The following ZNF385D variants were observed in gnomAD, a reference collection of about 807,000 sequenced individuals.
ZNF385D encodes zinc finger protein 659.
ZNF385D carries 15 observed loss-of-function variants against 35.8 expected under a neutral mutation model. That is an observed-to-expected ratio of 0.42 (90% CI 0.28 to 0.64). ZNF385D has a LOEUF of 0.64. Ranked by LOEUF, ZNF385D falls within the 30% of genes least tolerant of loss-of-function variation. ZNF385D has a pLI of 0.23. For missense variants in ZNF385D, 474 were observed against 494.6 expected, an observed-to-expected ratio of 0.96 and a Z score of 0.39; for synonymous variants, 212 against 186.8, an observed-to-expected ratio of 1.13 and a Z score of -1.10.
intron 3 of ZNF385D, among the ~76,000 whole-genome samples, chr3:21,760,858 ATGTG>A (rs1275634484): frequency 3.3e-5 from 5 of 152,178 alleles, no homozygotes; most frequent in African/African-American, 7.2e-5. Context: ...GATTGGTTTA[ATGTG>A]TGTGTATTTT....
intron 1 of ZNF385D, among the ~76,000 whole-genome samples, chr3:21,700,647 T>A (rs114988871): frequency 0.024 from 3,723 of 152,248 alleles, 77 homozygotes; most frequent in Non-Finnish European, 0.033. Context: ...TTTACTGGTG[T>A]GTAAAACGGT....
chr3:22,319,497 T>A (rs1421722219), intron 2 of ZNF385D, among the ~76,000 whole-genome samples: 1 of 152,166 alleles, frequency 6.6e-6, no homozygotes, highest in Non-Finnish European at 1.5e-5. Flanking sequence ...TGGGGAAAAG[T>A]TGGCAAATGC....
chr3:22,140,196 G>A (rs998575901), intron 3 of ZNF385D, among the ~76,000 whole-genome samples: 9 of 152,088 alleles, frequency 5.9e-5, no homozygotes, highest in Non-Finnish European at 1.0e-4. Flanking sequence ...ACTAGTGAAT[G>A]AATAAACAAA....
intron 3 of ZNF385D, among the ~76,000 whole-genome samples, chr3:22,153,615 C>A (rs1705406324): frequency 1.3e-5 from 2 of 151,870 alleles, no homozygotes; most frequent in Admixed American, 1.3e-4. Context: ...AGGCACCCAC[C>A]ACTATACCCT....
At chr3:21,535,682 G>C (rs1485172985) in intron 3 of ZNF385D, among the ~76,000 whole-genome samples, 1 of 151,928 alleles carries the variant, frequency 6.6e-6, no homozygotes, top group African/African-American at 2.4e-5. Flanking sequence ...TAAAGCCGAT[G>C]AATTTGTCTA....
Position 21,465,658 on chromosome 3 carries a change from T to C in ZNF385D, c.440-28455A>G, listed in dbSNP as rs1224682267. 6.6e-6 allele frequency among the ~76,000 whole-genome samples: 1 copy of C among 152,230 alleles called. No individual in the cohort carries two copies. Among genetic ancestry groups the C allele is most frequent in the Non-Finnish European group, 1.5e-5 (1 of 68,042 alleles). On this transcript the variant is annotated intron_variant, in intron 4 of 7. Coordinates refer to ENST00000281523, the MANE Select transcript of ZNF385D (RefSeq NM_024697.3). This position sits in a 1 kb window ranked among gnomAD's most constrained non-coding sequence, Gnocchi z 4.2. ...TCACATCTGTGTAAGTCTCCGTGTA[T>C]CTTATTTTCTTTCCTGGCTCTGCTT...
At chr3:21,926,138 A>G (rs1575932459) in intron 3 of ZNF385D, among the ~76,000 whole-genome samples, 1 of 141,904 alleles carries the variant, frequency 7.0e-6, no homozygotes, top group East Asian at 2.2e-4. Context: ...TGCCCTCTCC[A>G]ATTTTTTTTT....
At chr3:21,897,359 A>C (rs1699189856) in intron 3 of ZNF385D, among the ~76,000 whole-genome samples, 1 of 152,158 alleles carries the variant, frequency 6.6e-6, no homozygotes, top group South Asian at 2.1e-4. Flanking sequence ...ATATACCTCA[A>C]ACACAGGAGA....
intron 2 of ZNF385D, among the ~76,000 whole-genome samples, chr3:21,582,160 A>G (rs575396418): frequency 2.6e-5 from 4 of 152,308 alleles, no homozygotes; most frequent in African/African-American, 9.6e-5. Context: ...GTTTATTGAA[A>G]TCTAATGTTC....
At chr3:21,767,375 A>G (rs4858016) in intron 3 of ZNF385D, among the ~76,000 whole-genome samples, 67,266 of 151,592 alleles carry the variant, frequency 0.44, 14,985 homozygotes, top group African/African-American at 0.47. Flanking sequence ...AATTTTACTC[A>G]TTCTTTTTTT....
At chr3:21,435,995 T>C (rs1253577252) in intron 5 of ZNF385D, among the ~76,000 whole-genome samples, 3 of 152,228 alleles carry the variant, frequency 2.0e-5, no homozygotes, top group Admixed American at 6.5e-5. Flanking sequence ...ACAGCTGCAA[T>C]ATTAACTCAG....
intron 2 of ZNF385D, among the ~76,000 whole-genome samples, chr3:22,197,968 T>C (rs956647687): frequency 2.6e-5 from 4 of 152,098 alleles, no homozygotes; most frequent in African/African-American, 9.7e-5. Flanking sequence ...TACAACCACT[T>C]TGTCATAGTT....
At chr3:21,912,069 T>C (rs1363330592) in intron 3 of ZNF385D, among the ~76,000 whole-genome samples, 2 of 151,886 alleles carry the variant, frequency 1.3e-5, no homozygotes, top group Non-Finnish European at 2.9e-5. Flanking sequence ...AAATCTTTGC[T>C]CCTGGAATCT....
intron 2 of ZNF385D, among the ~76,000 whole-genome samples, chr3:22,346,808 G>A (rs1361826701): frequency 2.0e-5 from 3 of 152,078 alleles, no homozygotes; most frequent in Non-Finnish European, 4.4e-5. Flanking sequence ...CTAATGTGTC[G>A]ATGGTAAATG....
chr3:21,481,653 C>T (rs779996376), intron 4 of ZNF385D, among the ~76,000 whole-genome samples: 10 of 152,104 alleles, frequency 6.6e-5, no homozygotes, highest in Non-Finnish European at 1.3e-4. Context: ...TTTGCCTCCA[C>T]AAAGTGCTGG....
intron 3 of ZNF385D, among the ~76,000 whole-genome samples, chr3:22,010,171 A>G (rs996000229): frequency 1.3e-5 from 2 of 152,188 alleles, no homozygotes; most frequent in African/African-American, 2.4e-5. Context: ...TGAAAAAAGT[A>G]TATGTTTTAA....
chr3:21,731,174 T>A (rs923812244), intron 1 of ZNF385D, among the ~76,000 whole-genome samples: 1 of 152,208 alleles, frequency 6.6e-6, no homozygotes, highest in Non-Finnish European at 1.5e-5. Context: ...TTCCCACACC[T>A]AATACTTAAA....
intron 2 of ZNF385D, among the ~76,000 whole-genome samples, chr3:22,272,137 A>G (rs142820156): frequency 6.6e-6 from 1 of 152,072 alleles, no homozygotes; most frequent in African/African-American, 2.4e-5. Flanking sequence ...TTGAGACGAC[A>G]CTCAAGATAA....
chr3:21,466,759 A>C (rs979157262), intron 4 of ZNF385D, among the ~76,000 whole-genome samples: 3 of 152,264 alleles, frequency 2.0e-5, no homozygotes, highest in South Asian at 4.2e-4. Context: ...TCACCCCACT[A>C]CACGCTCTTC....
Sources: gnomAD v4.1 joint callset for allele counts (sites outside exome capture counted in the v4.1 genomes callset) on GRCh38, gnomAD v4.1.1 for gene constraint, Gnocchi (gnomAD v3.1) non-coding constraint, MANE v1.5 for transcripts, NCBI Gene and HGNC (gene_info 2026-07-23, HGNC 2026-07-21) for gene names.